The following DLG2 variants were observed in gnomAD, a reference collection of about 807,000 sequenced individuals.
The protein encoded by DLG2 is disks large homolog 2.
In DLG2, 45 loss-of-function variants were observed where a neutral mutation model predicts 132.5. That is an observed-to-expected ratio of 0.34 (90% CI 0.27 to 0.44). The LOEUF (loss-of-function observed/expected upper bound fraction) is 0.44, where lower values mean the gene tolerates loss of function less well. DLG2 is among the 20% of genes least tolerant of loss of function. The pLI, the probability that DLG2 is intolerant of heterozygous loss-of-function variation, is 1.00. For missense variants in DLG2, 1,045 were observed against 1,196.9 expected, an observed-to-expected ratio of 0.87 and a Z score of 1.87; for synonymous variants, 424 against 419.6, an observed-to-expected ratio of 1.01 and a Z score of -0.13.
rs751076800 is a variant in DLG2, at chr11:84,316,896, T to C, written c.520-65605A>G. 8.1e-6 allele frequency: 13 copies of C among 1,612,774 alleles called. 1 individual carries two copies. In the South Asian group the frequency reaches 1.1e-4, roughly 14 times the overall value. On this transcript the variant is annotated intron_variant, in intron 7 of 27. Transcript: ENST00000376104. ...CAAGTCCCTTTGCCCTTGGTGCTCG[T>C]CTTGTGGGGGCTTTTCCGCACACTG...
intron 8 of DLG2, among the ~76,000 whole-genome samples, chr11:84,198,233 G>C (rs1274270446): frequency 1.3e-5 from 2 of 152,126 alleles, no homozygotes; most frequent in African/African-American, 2.4e-5. Context: ...AAGAGGTAGA[G>C]AGTGTATATT....
At chr11:83,839,133 T>C (rs1418935057) in intron 16 of DLG2, among the ~76,000 whole-genome samples, 1 of 152,196 alleles carries the variant, frequency 6.6e-6, no homozygotes, top group African/African-American at 2.4e-5. Context: ...CATATAATGT[T>C]TGCATGACAG....
At chr11:85,037,507 G>A (rs959681217) in intron 6 of DLG2, among the ~76,000 whole-genome samples, 4 of 152,136 alleles carry the variant, frequency 2.6e-5, no homozygotes, top group Non-Finnish European at 5.9e-5. Flanking sequence ...ATAAATATGA[G>A]CATATCCTCA....
At chr11:85,356,827 GA>G (rs1175899377) in intron 3 of DLG2, among the ~76,000 whole-genome samples, 15 of 139,628 alleles carry the variant, frequency 1.1e-4, no homozygotes, top group Non-Finnish European at 2.4e-4. Flanking sequence ...TAGATAGATA[GA>G]GATGATAGAC....
At chr11:84,006,119 CTATA>C (rs2094560926) in intron 11 of DLG2, among the ~76,000 whole-genome samples, 2 of 151,632 alleles carry the variant, frequency 1.3e-5, no homozygotes. Context: ...AATGTGGTAT[CTATA>C]CACAACAGAA....
intron 3 of DLG2, among the ~76,000 whole-genome samples, chr11:85,479,538 A>C (rs2093235091): frequency 6.6e-6 from 1 of 152,216 alleles, no homozygotes; most frequent in African/African-American, 2.4e-5. Context: ...TAATATAAAC[A>C]CTTATGAATC....
chr11:84,142,889 T>C (rs1434968580), intron 9 of DLG2, among the ~76,000 whole-genome samples: 2 of 152,168 alleles, frequency 1.3e-5, no homozygotes, highest in Non-Finnish European at 2.9e-5. Flanking sequence ...GTGTGACTTC[T>C]TGTCTTCCAT....
chr11:83,615,653 T>C (rs923755946), intron 19 of DLG2, among the ~76,000 whole-genome samples: 21 of 152,280 alleles, frequency 1.4e-4, no homozygotes, highest in African/African-American at 3.8e-4. Flanking sequence ...TGCAAGTGGG[T>C]CAGAGAGATA....
chr11:85,589,349 G>A (rs1591076460), intron 3 of DLG2, among the ~76,000 whole-genome samples: 2 of 152,190 alleles, frequency 1.3e-5, no homozygotes. Context: ...TGTGATAGAA[G>A]AGGGGGGATA....
At chr11:84,872,189 T>C (rs950055443) in intron 6 of DLG2, among the ~76,000 whole-genome samples, 3 of 152,218 alleles carry the variant, frequency 2.0e-5, no homozygotes, top group Non-Finnish European at 4.4e-5. Context: ...TAAGGGCATG[T>C]GTTCAGATTT....
intron 7 of DLG2, among the ~76,000 whole-genome samples, chr11:84,346,303 T>C (rs2098539082): frequency 6.6e-6 from 1 of 152,222 alleles, no homozygotes; most frequent in Non-Finnish European, 1.5e-5. Context: ...GGTCTTCCCT[T>C]CACTCTAGCC....
chr11:83,588,865 C>T (rs1028408709), intron 19 of DLG2, among the ~76,000 whole-genome samples: 49 of 152,052 alleles, frequency 3.2e-4, no homozygotes, highest in African/African-American at 1.2e-3. Flanking sequence ...GGAGCCGATG[C>T]GATCAACTGG....
intron 3 of DLG2, among the ~76,000 whole-genome samples, chr11:85,334,551 G>A (rs1223707909): frequency 6.6e-6 from 1 of 152,046 alleles, no homozygotes; most frequent in Non-Finnish European, 1.5e-5. Context: ...TTTGTAACTT[G>A]TTAACATGGG....
At chr11:85,435,401 A>G (rs561175144) in intron 3 of DLG2, among the ~76,000 whole-genome samples, 9 of 152,276 alleles carry the variant, frequency 5.9e-5, no homozygotes, top group African/African-American at 1.9e-4. Context: ...ATATTCCTAT[A>G]TTTAGAAAAC....
chr11:84,120,457 G>C (rs1204479893), intron 9 of DLG2, among the ~76,000 whole-genome samples: 3 of 152,144 alleles, frequency 2.0e-5, no homozygotes, highest in Admixed American at 1.3e-4. Flanking sequence ...TTTTAAAGTT[G>C]TTCTTCACAA....
At chr11:85,001,988 C>T (rs1450385947) in intron 6 of DLG2, among the ~76,000 whole-genome samples, 1 of 152,182 alleles carries the variant, frequency 6.6e-6, no homozygotes, top group African/African-American at 2.4e-5. Context: ...TTAAAAAATG[C>T]TGATATCCTT....
At chr11:83,937,049 A>C (rs2081591722) in intron 14 of DLG2, among the ~76,000 whole-genome samples, 2 of 152,202 alleles carry the variant, frequency 1.3e-5, no homozygotes, top group Non-Finnish European at 2.9e-5. Context: ...ACCTGCTTTT[A>C]AAGGCTTTGT....
intron 19 of DLG2, among the ~76,000 whole-genome samples, chr11:83,585,521 C>G (rs2097069203): frequency 6.6e-6 from 1 of 152,166 alleles, no homozygotes; most frequent in Non-Finnish European, 1.5e-5. Context: ...ATAATAGCTT[C>G]TATTTATTAT....
At chr11:85,107,947 A>AC (rs1217068657) in intron 6 of DLG2, among the ~76,000 whole-genome samples, 4 of 147,852 alleles carry the variant, frequency 2.7e-5, no homozygotes, top group Non-Finnish European at 6.0e-5. Flanking sequence ...AAAAAAAAAA[A>AC]AAAAAAGCCT....
Sources: allele counts gnomAD v4.1 joint callset (sites outside exome capture counted in the v4.1 genomes callset), GRCh38; gene constraint gnomAD v4.1.1; transcripts MANE v1.5; gene names NCBI Gene and HGNC (gene_info 2026-07-23, HGNC 2026-07-21).